PHF12: variants seen among roughly 807,000 people sequenced by gnomAD.
PHF12 encodes the protein PHD factor 1.
In PHF12, 6 loss-of-function variants were observed where a neutral mutation model predicts 99.8. The observed-to-expected ratio is 0.06, with a 90% CI of 0.03 to 0.12. The LOEUF (loss-of-function observed/expected upper bound fraction) is 0.12, where lower values mean the gene tolerates loss of function less well. PHF12 is among the 10% of genes least tolerant of loss of function. The pLI is 1.00. For missense variants in PHF12, 954 were observed against 1,300.1 expected (o/e 0.73, Z 4.09); for synonymous variants, 480 against 514.9 (o/e 0.93, Z 0.92).
At chr17:28,917,110 T>A (rs747420325) in intron 7 of PHF12, among the ~76,000 whole-genome samples, 175 bp downstream of exon 7, 3 of 152,154 alleles carry the variant, frequency 2.0e-5, no homozygotes, top group Non-Finnish European at 4.4e-5. Context: ...GCCCTCATAA[T>A]CCTGACCATC....
intron 5 of PHF12, among the ~76,000 whole-genome samples, chr17:28,920,294 C>T (rs377678892): frequency 1.1e-4 from 16 of 152,294 alleles, no homozygotes; most frequent in Middle Eastern, 3.4e-3. Flanking sequence ...GTTACTTTCT[C>T]TTGCTACCCT....
intron 2 of PHF12, among the ~76,000 whole-genome samples, chr17:28,948,017 C>G (rs938712950): frequency 1.3e-5 from 2 of 152,210 alleles, no homozygotes; most frequent in Non-Finnish European, 2.9e-5. Flanking sequence ...CTTGACAAGA[C>G]TTTAGACTCG....
chr17:28,947,581 G>GA (rs1032864033), intron 2 of PHF12, among the ~76,000 whole-genome samples: 56 of 151,816 alleles, frequency 3.7e-4, no homozygotes, highest in African/African-American at 1.3e-3. Context: ...GCCTGTCTCA[G>GA]AAAAAAACAA....
intron 10 of PHF12, chr17:28,910,800 T>G: frequency 2.6e-6 from 1 of 385,476 alleles, no homozygotes; most frequent in South Asian, 3.2e-5. Context: ...GGAGTGAGGA[T>G]CTTAGTTTTA....
At chr17:28,908,519 C>G in intron 12 of PHF12, 1 of 444,152 alleles carries the variant, frequency 2.3e-6, no homozygotes, top group South Asian at 3.5e-5. Context: ...AGGGTTTCAC[C>G]ATGTTGCCCA....
At chr17:28,907,464 G>A (rs2039890278) in intron 13 of PHF12, 126 bp downstream of exon 13, 1 of 863,994 alleles carries the variant, frequency 1.2e-6, no homozygotes, top group Non-Finnish European at 1.8e-6. Flanking sequence ...GGAATGACAG[G>A]GAGGGAAGAA....
At chr17:28,914,671 C>CAAAGAAAA (rs2040030142) in intron 7 of PHF12, among the ~76,000 whole-genome samples, 1 of 30,326 alleles carries the variant, frequency 3.3e-5, no homozygotes, top group African/African-American at 9.5e-5. Flanking sequence ...GACTCCGTCT[C>CAAAGAAAA]AAAAAAAAAA....
chr17:28,931,279 G>A (rs1184061906), intron 2 of PHF12, among the ~76,000 whole-genome samples: 4 of 147,914 alleles, frequency 2.7e-5, no homozygotes, highest in South Asian at 2.1e-4. Context: ...TTTTTGAGAC[G>A]GAGTCTTGCT....
rs116895969 is a variant in PHF12, at chr17:28,912,683, T to G, written c.1888A>C (p.Ser630Arg). ...PVPSLPPSIP[S>R]SCASIENTST... ...GTGTTCTCGATGCTGGCACAAGAGC[T>G]GGGAATGGAAGGGGGCAGGCTTGGG... Residue 630 changes from serine to arginine, a missense_variant, in exon 9 of 15, where the codon AGC becomes CGC. This residue lies in a region of PHF12 where 392 missense variants were observed against 423.1 expected (regional missense o/e 0.93). Coordinates refer to ENST00000332830, the MANE Select transcript of PHF12 (RefSeq NM_001033561.2). 12,166 of 1,614,174 alleles carry G rather than the reference T, an allele frequency of 7.5e-3. 88 individuals are homozygous for G. Among genetic ancestry groups the G allele is most frequent in the Non-Finnish European group, 7.5e-3 (8,843 of 1,180,036 alleles).
At position 28,906,877 on chromosome 17, in the gene PHF12, C is replaced by A; in HGVS notation, c.2659G>T (p.Ala887Ser). Reference sequence around the variant, plus strand: ...TTACTGATGACACTCTGCACTTTGGCAACAATACTGCTTGGGGGGGTTGGC... The same window carrying A: ...TTACTGATGACACTCTGCACTTTGGAAACAATACTGCTTGGGGGGGTTGGC... ...TPPTPPSSIV[A>S]KVQSVIRRRR... Residue 887 changes from alanine (A) to serine (S), a missense_variant, in exon 14 of 15, where the codon GCC becomes TCC. This residue lies in a region of PHF12 where 136 missense variants were observed against 172.3 expected (regional missense o/e 0.79). Transcript: ENST00000332830. The surrounding 1 kb of genome is among the most constrained non-coding windows in gnomAD (Gnocchi z 4.2). 1 of 1,607,622 alleles carries A rather than the reference C, an allele frequency of 6.2e-7. No individual in the cohort carries two copies. Among genetic ancestry groups the A allele is most frequent in the Non-Finnish European group, 8.5e-7 (1 of 1,177,132 alleles).
intron 3 of PHF12, chr17:28,925,727 T>C (rs984640105): frequency 1.3e-5 from 2 of 152,250 alleles, no homozygotes; most frequent in Non-Finnish European, 2.9e-5. Context: ...TTTTTGAGCC[T>C]CCGTTTCTTC....
At chr17:28,938,240 T>C (rs1022760264) in intron 2 of PHF12, among the ~76,000 whole-genome samples, 6 of 152,304 alleles carry the variant, frequency 3.9e-5, no homozygotes, top group African/African-American at 9.6e-5. Flanking sequence ...GGTTTCTTTC[T>C]TTCTTTTTGA....
chr17:28,928,539 A>G (rs2040328017), intron 2 of PHF12, among the ~76,000 whole-genome samples: 1 of 152,140 alleles, frequency 6.6e-6, no homozygotes. Flanking sequence ...TTTATAATAC[A>G]GAGGTTGTGC....
chr17:28,950,792 C>G lies in PHF12; in HGVS notation c.66+103G>C. The stretch of plus-strand genomic sequence containing the variant: ...GCTAGGTGAGGAAGAATCCCCCTCC[C>G]TCGGCCATCTAGGCGCTTCGAGTTT... On this transcript the variant is annotated intron_variant, in intron 1 of 14. Coordinates refer to ENST00000332830, the MANE Select transcript of PHF12 (RefSeq NM_001033561.2). The surrounding 1 kb of genome is among the most constrained non-coding windows in gnomAD (Gnocchi z 5.7). 1 of 1,504,152 alleles carries G rather than the reference C, an allele frequency of 6.6e-7. No homozygotes were observed. The highest frequency in any genetic ancestry group is 2.5e-5 in the East Asian group (1 of 40,324). The allele number at this position is 1,504,152 out of a possible 1,614,324, so 93.2% of individuals were successfully genotyped here.
intron 7 of PHF12, 72 bp from the exon 8 acceptor site, chr17:28,914,109 A>G (rs2040018687): frequency 6.8e-7 from 1 of 1,479,146 alleles, no homozygotes. Context: ...CTGCCCTGGT[A>G]TGCTGTTCTG....
intron 2 of PHF12, among the ~76,000 whole-genome samples, chr17:28,929,079 G>A (rs768130135): frequency 2.1e-4 from 32 of 151,652 alleles, no homozygotes; most frequent in Admixed American, 1.2e-3. Context: ...CTGGGCGACA[G>A]AGTGAGACTC....
At chr17:28,920,476 CT>C (rs2040141452) in intron 5 of PHF12, among the ~76,000 whole-genome samples, 1 of 152,252 alleles carries the variant, frequency 6.6e-6, no homozygotes, top group Non-Finnish European at 1.5e-5. Context: ...CCAATACACA[CT>C]ATCATAGATC....
At chr17:28,924,345 A>G (rs1183781239) in intron 3 of PHF12, 43 bp from the exon 4 acceptor site, 1 of 1,613,166 alleles carries the variant, frequency 6.2e-7, no homozygotes, top group East Asian at 2.2e-5. Flanking sequence ...AAGTACCATG[A>G]AACAAAGAGA....
At chr17:28,910,580 A>T (rs1254746260) in intron 10 of PHF12, 1 of 617,558 alleles carries the variant, frequency 1.6e-6, no homozygotes, top group Non-Finnish European at 2.8e-6. Flanking sequence ...CAGCCTGTGC[A>T]GCTGCCTCCT....
Sources: gnomAD v4.1 joint callset for allele counts (sites outside exome capture counted in the v4.1 genomes callset) on GRCh38, gnomAD v4.1.1 for gene constraint, gnomAD v4.1.1 regional missense constraint, Gnocchi (gnomAD v3.1) non-coding constraint, MANE v1.5 for transcripts, NCBI Gene and HGNC (gene_info 2026-07-23, HGNC 2026-07-21) for gene names.